The following CCBE1 variants were observed in gnomAD, a reference collection of about 807,000 sequenced individuals.
CCBE1 encodes collagen and calcium-binding EGF domain-containing protein 1.
CCBE1 carries 37 observed loss-of-function variants against 50.0 expected under a neutral mutation model. The ratio of observed to expected loss-of-function variants is 0.74; its 90% CI spans 0.57 to 0.97. The LOEUF (loss-of-function observed/expected upper bound fraction) is 0.97. Among genes scored for constraint, CCBE1 ranks in the 50% least tolerant of loss-of-function variants. The pLI, the probability that CCBE1 is intolerant of heterozygous loss-of-function variation, is 0.00. For missense variants in CCBE1, 538 were observed against 523.8 expected (o/e 1.03, Z -0.26); for synonymous variants, 234 against 203.7 (o/e 1.15, Z -1.27).
intron 2 of CCBE1, among the ~76,000 whole-genome samples, chr18:59,564,326 T>C (rs1010268809): frequency 1.3e-5 from 2 of 152,250 alleles, no homozygotes; most frequent in Non-Finnish European, 2.9e-5. Context: ...ATACTTCCTA[T>C]GCACTAATTA....
At position 59,438,014 on chromosome 18, in the gene CCBE1, G is replaced by A; in HGVS notation, c.987+97C>T. ...CAGGTGGGCTGAGTGGCATCAGGAAGGGGCGGGCTTTTGCTACTAGACCAA... is the reference window on the plus strand; with the variant it reads ...CAGGTGGGCTGAGTGGCATCAGGAAAGGGCGGGCTTTTGCTACTAGACCAA... On this transcript the variant is annotated intron_variant, in intron 10 of 10. Coordinates refer to ENST00000439986, the MANE Select transcript of CCBE1 (RefSeq NM_133459.4). 4 of 1,165,690 alleles carry A rather than the reference G, an allele frequency of 3.4e-6. No individual in the cohort carries two copies. In the South Asian group the frequency reaches 5.1e-5, roughly 15 times the overall value. The allele number at this position is 1,165,690 out of a possible 1,614,324, so 72.2% of individuals were successfully genotyped here.
chr18:59,686,145 A>G (rs1405937342), intron 2 of CCBE1: 4 of 152,252 alleles, frequency 2.6e-5, no homozygotes, highest in Non-Finnish European at 5.9e-5. Flanking sequence ...AGTGATATCC[A>G]TGGAAAGCAA....
chr18:59,632,234 T>C (rs914177153), intron 2 of CCBE1, among the ~76,000 whole-genome samples: 3 of 152,200 alleles, frequency 2.0e-5, no homozygotes, highest in Non-Finnish European at 4.4e-5. Flanking sequence ...CACTGACAGT[T>C]GAGCAGGCAA....
At chr18:59,545,922 T>C (rs936036553) in intron 2 of CCBE1, among the ~76,000 whole-genome samples, 22 of 151,622 alleles carry the variant, frequency 1.5e-4, no homozygotes, top group African/African-American at 5.4e-4. Flanking sequence ...TTCTTCTGAG[T>C]CTCAGGTACG....
intron 2 of CCBE1, among the ~76,000 whole-genome samples, chr18:59,551,719 C>T (rs2000893): frequency 0.66 from 100,202 of 152,084 alleles, 33,205 homozygotes; most frequent in East Asian, 0.79. Flanking sequence ...TTCAGGACTT[C>T]TTTGTTGAAG....
At chr18:59,601,767 C>T (rs973899093) in intron 2 of CCBE1, among the ~76,000 whole-genome samples, 1 of 152,194 alleles carries the variant, frequency 6.6e-6, no homozygotes, top group Non-Finnish European at 1.5e-5. Context: ...ATGTCCAGCA[C>T]AGGACATTAT....
chr18:59,514,106 A>G (rs1325700900), intron 2 of CCBE1, among the ~76,000 whole-genome samples: 1 of 152,196 alleles, frequency 6.6e-6, no homozygotes, highest in East Asian at 1.9e-4. Context: ...GCAAATTTGT[A>G]AAGTCAGTTC....
intron 2 of CCBE1, among the ~76,000 whole-genome samples, chr18:59,503,249 G>A (rs1913709867): frequency 6.6e-6 from 1 of 152,248 alleles, no homozygotes; most frequent in Non-Finnish European, 1.5e-5. Flanking sequence ...TCTGGGGACA[G>A]TTCCGCTGGA....
At chr18:59,466,549 T>C (rs1056813415) in intron 5 of CCBE1, among the ~76,000 whole-genome samples, 190 bp downstream of exon 5, 1 of 151,768 alleles carries the variant, frequency 6.6e-6, no homozygotes, top group African/African-American at 2.4e-5. Context: ...ATATAGGCAC[T>C]TGGAAACTTT....
intron 2 of CCBE1, among the ~76,000 whole-genome samples, chr18:59,522,993 CAAAA>C (rs57217059): frequency 2.2e-5 from 2 of 89,222 alleles, no homozygotes; most frequent in South Asian, 4.8e-4. Flanking sequence ...GACTCTGTTT[CAAAA>C]AAAAAAAAAA....
intron 2 of CCBE1, among the ~76,000 whole-genome samples, chr18:59,501,718 T>G (rs988858148): frequency 1.3e-5 from 2 of 152,216 alleles, no homozygotes; most frequent in African/African-American, 4.8e-5. Flanking sequence ...GGCTGCAGGC[T>G]AGAGTCCACT....
At chr18:59,567,754 T>C (rs1317788418) in intron 2 of CCBE1, among the ~76,000 whole-genome samples, 1 of 152,168 alleles carries the variant, frequency 6.6e-6, no homozygotes, top group African/African-American at 2.4e-5. Context: ...CTTTGCTCAC[T>C]ACCACCACCA....
chr18:59,627,599 AGGAAATCT>A (rs762745158), intron 2 of CCBE1, among the ~76,000 whole-genome samples: 4 of 152,204 alleles, frequency 2.6e-5, no homozygotes, highest in Non-Finnish European at 5.9e-5. Flanking sequence ...TGTCATAAGG[AGGAAATCT>A]GGACACTCAT....
intron 2 of CCBE1, among the ~76,000 whole-genome samples, chr18:59,517,633 T>C (rs1463262309): frequency 6.6e-6 from 1 of 152,216 alleles, no homozygotes; most frequent in Non-Finnish European, 1.5e-5. Context: ...TAAATTGATT[T>C]GACAAAGCCA....
At chr18:59,438,223 C>A in intron 9 of CCBE1, 77 bp from the exon 10 acceptor site, 1 of 1,244,740 alleles carries the variant, frequency 8.0e-7, no homozygotes, top group South Asian at 1.2e-5. Context: ...ATACACCCAC[C>A]ATAACCACTT....
At chr18:59,691,506 A>G (rs2054732850) in intron 2 of CCBE1, among the ~76,000 whole-genome samples, 1 of 152,180 alleles carries the variant, frequency 6.6e-6, no homozygotes, top group Non-Finnish European at 1.5e-5. Context: ...CCCAGGTTCA[A>G]GTGACTCTCC....
At position 59,679,079 on chromosome 18, in the gene CCBE1, G is replaced by A. The variant is rs182913819; in HGVS notation, c.212+17550C>T. ...ATCTTTGGAGTCAAATGCATGAACT[G>A]CCTTTGAGGTGAAGTAATTTTTATT... On this transcript the variant is annotated intron_variant, in intron 2 of 10. Transcript: ENST00000439986. Among the ~76,000 whole-genome samples, 101 of 152,046 alleles carry A rather than the reference G, an allele frequency of 6.6e-4. No individual in the cohort carries two copies. In the Middle Eastern group the frequency reaches 0.01, roughly 15 times the overall value.
intron 2 of CCBE1, among the ~76,000 whole-genome samples, chr18:59,687,791 T>G (rs2054676715): frequency 6.6e-6 from 1 of 152,056 alleles, no homozygotes. Flanking sequence ...AAACCCCATC[T>G]CTACTAAAAA....
At chr18:59,567,697 T>C (rs1400985438) in intron 2 of CCBE1, among the ~76,000 whole-genome samples, 2 of 152,208 alleles carry the variant, frequency 1.3e-5, no homozygotes, top group African/African-American at 4.8e-5. Context: ...TCCTACGTTC[T>C]GCCTAAAATT....
Sources: allele counts gnomAD v4.1 joint callset (sites outside exome capture counted in the v4.1 genomes callset), GRCh38; gene constraint gnomAD v4.1.1; transcripts MANE v1.5; gene names NCBI Gene and HGNC (gene_info 2026-07-23, HGNC 2026-07-21).